PCDH11X: variants seen among roughly 807,000 people sequenced by gnomAD.
PCDH11X encodes the protein protocadherin-11 X-linked.
Under a neutral mutation model 53.3 loss-of-function variants are expected in PCDH11X, and 18 were observed. The ratio of observed to expected loss-of-function variants is 0.34; its 90% confidence interval spans 0.23 to 0.50. PCDH11X has a LOEUF of 0.50. PCDH11X is among the 20% of genes least tolerant of loss of function. The pLI, the probability that PCDH11X is intolerant of heterozygous loss-of-function variation, is 0.98. For missense variants in PCDH11X, 570 were observed against 1,032.4 expected (o/e 0.55, Z 6.14); for synonymous variants, 279 against 393.3 (o/e 0.71, Z 3.44).
intron 9 of PCDH11X, among the ~76,000 whole-genome samples, chrX:92,429,184 A>G (rs781672189): frequency 9.0e-6 from 1 of 111,672 alleles, no homozygotes; most frequent in African/African-American, 3.3e-5. Flanking sequence ...TTCTACCTGT[A>G]TCATAAAGCC....
chrX:92,094,350 T>C (rs1207886682), intron 6 of PCDH11X, among the ~76,000 whole-genome samples: 1 of 110,886 alleles, frequency 9.0e-6, no homozygotes, highest in African/African-American at 3.3e-5. Context: ...ATAGGTTACT[T>C]ACCATTGCAG....
At chrX:92,343,866 T>C in intron 8 of PCDH11X, among the ~76,000 whole-genome samples, 1 of 111,539 alleles carries the variant, frequency 9.0e-6, no homozygotes, top group Middle Eastern at 4.7e-3. Flanking sequence ...TCTATATAAC[T>C]GAGTGTTTAC....
intron 7 of PCDH11X, among the ~76,000 whole-genome samples, chrX:92,223,652 G>A (rs1269414937): frequency 2.7e-5 from 3 of 111,692 alleles, no homozygotes; most frequent in Admixed American, 9.5e-5. Context: ...CCAATGTTGC[G>A]ACTGACTCAC....
At chrX:91,864,697 G>GT (rs1938873426) in intron 5 of PCDH11X, among the ~76,000 whole-genome samples, 1 of 102,228 alleles carries the variant, frequency 9.8e-6, no homozygotes, top group African/African-American at 3.6e-5. Context: ...ATGCTTCGTT[G>GT]TTTTTTATTC....
At chrX:92,188,010 C>T (rs185408466) in intron 6 of PCDH11X, among the ~76,000 whole-genome samples, 247 of 111,476 alleles carry the variant, frequency 2.2e-3, no homozygotes, top group Non-Finnish European at 3.6e-3. Context: ...GGAGCCGAAA[C>T]ATCTGATTGA....
intron 8 of PCDH11X, among the ~76,000 whole-genome samples, chrX:92,268,272 A>G (rs1050626655): frequency 9.3e-6 from 1 of 107,026 alleles, no homozygotes; most frequent in Non-Finnish European, 1.9e-5. Context: ...CTTATTAAAC[A>G]TTCAGTTTAG....
intron 6 of PCDH11X, among the ~76,000 whole-genome samples, chrX:91,895,071 G>A (rs1053441372): frequency 9.0e-6 from 1 of 110,927 alleles, no homozygotes; most frequent in African/African-American, 3.3e-5. Flanking sequence ...TTCTGGATAA[G>A]GTGACTCTTT....
intron 4 of PCDH11X, among the ~76,000 whole-genome samples, chrX:91,813,137 A>G (rs1275586817): frequency 9.0e-6 from 1 of 111,560 alleles, no homozygotes; most frequent in Non-Finnish European, 1.9e-5. Flanking sequence ...CAGCCCATTC[A>G]GTTCAAAACA....
At chrX:92,159,249 G>A (rs2065594571) in intron 6 of PCDH11X, among the ~76,000 whole-genome samples, 1 of 110,304 alleles carries the variant, frequency 9.1e-6, no homozygotes, top group Admixed American at 9.7e-5. Flanking sequence ...GAATCTCTCG[G>A]TCTGCTGTAT....
intron 8 of PCDH11X, among the ~76,000 whole-genome samples, chrX:92,331,628 TG>T (rs1301507454): frequency 9.0e-6 from 1 of 110,858 alleles, no homozygotes; most frequent in Non-Finnish European, 1.9e-5. Context: ...TTACAAATTA[TG>T]ATATTTAAGT....
At position 91,947,199 on chromosome X, in the gene PCDH11X, T is replaced by TC. The variant is rs2061586790; in HGVS notation, c.3033+67926_3033+67927insC. ...TGTGCAAGCTAGGGGAAAGTTTGTG[T>TC]TGGGGGGGTGCAGCAGTCTAAAAAA... is the stretch of plus-strand genomic sequence containing the variant. On this transcript the variant is annotated intron_variant, in intron 6 of 10. Transcript: ENST00000682573. Among the ~76,000 whole-genome samples, 9 of 108,962 alleles carry TC rather than the reference T, an allele frequency of 8.3e-5. No homozygotes were observed. The Admixed American group carries it at 8.9e-4, about 11-fold the overall frequency. The allele number at this position is 108,962 out of a possible 115,157, so 94.6% of individuals were successfully genotyped here.
At chrX:92,585,240 C>T (rs1924241228) in intron 10 of PCDH11X, among the ~76,000 whole-genome samples, 1 of 111,040 alleles carries the variant, frequency 9.0e-6, no homozygotes, top group African/African-American at 3.3e-5. Flanking sequence ...ATCCGATCAC[C>T]TCCCACCAGG....
chrX:92,449,621 T>A (rs747745426), intron 9 of PCDH11X, among the ~76,000 whole-genome samples: 2 of 111,781 alleles, frequency 1.8e-5, no homozygotes, highest in South Asian at 7.4e-4. Context: ...AGAGCATGGG[T>A]TAAAACACAC....
chrX:91,829,287 T>C (rs1937029295), intron 4 of PCDH11X, among the ~76,000 whole-genome samples: 1 of 109,278 alleles, frequency 9.2e-6, no homozygotes, highest in Non-Finnish European at 1.9e-5. Context: ...ATAGATATAA[T>C]ACTGTTTTGT....
chrX:92,223,989 C>T (rs756943210), intron 7 of PCDH11X, among the ~76,000 whole-genome samples: 15 of 111,513 alleles, frequency 1.3e-4, no homozygotes, highest in African/African-American at 4.2e-4. Context: ...ATTATATGTA[C>T]CATGAGGGAT....
intron 8 of PCDH11X, among the ~76,000 whole-genome samples, chrX:92,269,654 C>T (rs1056123285): frequency 9.0e-6 from 1 of 111,166 alleles, no homozygotes; most frequent in Non-Finnish European, 1.9e-5. Flanking sequence ...TTAGTCCCTT[C>T]CTAAATGCCA....
intron 10 of PCDH11X, among the ~76,000 whole-genome samples, chrX:92,487,751 G>A: frequency 9.0e-6 from 1 of 110,705 alleles, no homozygotes; most frequent in African/African-American, 3.3e-5. Context: ...TTCACCTCTG[G>A]AGAAATAAGA....
At position 92,163,246 on chromosome X, in the gene PCDH11X, G is replaced by GC. The variant is rs1040574219; in HGVS notation, c.3034-38125dup. On this transcript the variant is annotated intron_variant, in intron 6 of 10. Transcript: ENST00000682573. Reference sequence around the variant, plus strand: ...AGTGGGGACGCAGGGCTGAGAGCTTGCCCCAGGCTACCAGCCTCCCCACAG... The same window carrying GC: ...AGTGGGGACGCAGGGCTGAGAGCTTGCCCCCAGGCTACCAGCCTCCCCACAG... Among the ~76,000 whole-genome samples the GC allele has an allele frequency of 7.3e-5, 8 of 110,267 alleles. No homozygotes were observed. In the South Asian group the frequency reaches 2.0e-3, roughly 28 times the overall value.
At chrX:92,193,870 T>G (rs921208480) in intron 6 of PCDH11X, among the ~76,000 whole-genome samples, 43 of 112,000 alleles carry the variant, frequency 3.8e-4, no homozygotes, top group Non-Finnish European at 6.0e-4. Context: ...AAAACTACTT[T>G]GATGGAATGG....
Sources: gnomAD v4.1 joint callset for allele counts (sites outside exome capture counted in the v4.1 genomes callset) on GRCh38, gnomAD v4.1.1 for gene constraint, MANE v1.5 for transcripts, NCBI Gene and HGNC (gene_info 2026-07-23, HGNC 2026-07-21) for gene names.